COL24A1: variants seen among roughly 807,000 people sequenced by gnomAD.
COL24A1 encodes the protein collagen alpha-1(XXIV) chain.
COL24A1 carries 224 observed loss-of-function variants against 253.9 expected under a neutral mutation model. That is an observed-to-expected ratio of 0.88 (90% CI 0.79 to 0.99). The LOEUF is 0.99. Among genes scored for constraint, COL24A1 ranks in the 50% least tolerant of loss-of-function variants. The probability of loss-of-function intolerance (pLI) is 0.00; values close to 1 mark genes in which losing one functional copy is unlikely to be tolerated. For missense variants in COL24A1, 2,131 were observed against 2,068.5 expected (o/e 1.03, Z -0.59); for synonymous variants, 685 against 673.7 (o/e 1.02, Z -0.26).
At chr1:85,993,338 T>C (rs566305628) in intron 19 of COL24A1, among the ~76,000 whole-genome samples, 9 of 152,016 alleles carry the variant, frequency 5.9e-5, no homozygotes, top group South Asian at 2.1e-4. Context: ...GATAAACTTA[T>C]ACACATATAC....
chr1:85,796,503 C>T (rs200103699), intron 47 of COL24A1, among the ~76,000 whole-genome samples: 1 of 152,154 alleles, frequency 6.6e-6, no homozygotes, highest in East Asian at 1.9e-4. Context: ...AAATGTCTAT[C>T]CTTTTATTCA....
Position 85,961,244 on chromosome 1 carries a change from C to A in COL24A1, c.2562+5G>T. The A allele has an allele frequency of 6.3e-7, 1 of 1,588,678 alleles. No homozygotes were observed. Among genetic ancestry groups the A allele is most frequent in the Non-Finnish European group, 8.6e-7 (1 of 1,158,042 alleles). On this transcript the variant is annotated splice_donor_5th_base_variant and intron_variant, in intron 24 of 59. Coordinates refer to ENST00000370571, the MANE Select transcript of COL24A1 (RefSeq NM_152890.7). ...TTAAAAAATAAGAGCATAAAATAAG[C>A]TTACTGTTTCACCAATTTTTCCAAT...
At chr1:85,981,941 G>C (rs1009640596) in intron 20 of COL24A1, among the ~76,000 whole-genome samples, 5 of 152,182 alleles carry the variant, frequency 3.3e-5, no homozygotes, top group Admixed American at 1.3e-4. Flanking sequence ...TTTATATCTT[G>C]TTGATATAAA....
chr1:85,958,540 A>G (rs1449197018), intron 24 of COL24A1, among the ~76,000 whole-genome samples: 1 of 152,112 alleles, frequency 6.6e-6, no homozygotes, highest in Non-Finnish European at 1.5e-5. Flanking sequence ...AAAGACATCA[A>G]ACCTTCCAAT....
At chr1:85,793,653 G>T in intron 47 of COL24A1, among the ~76,000 whole-genome samples, 1 of 152,116 alleles carries the variant, frequency 6.6e-6, no homozygotes, top group Non-Finnish European at 1.5e-5. Flanking sequence ...TTTTCCATGA[G>T]CCTTTCTGTT....
chr1:85,912,358 C>T (rs755053294), intron 24 of COL24A1, among the ~76,000 whole-genome samples: 5 of 152,082 alleles, frequency 3.3e-5, no homozygotes, highest in Non-Finnish European at 5.9e-5. Context: ...AAGAATAACA[C>T]AGAACAAGCT....
intron 24 of COL24A1, among the ~76,000 whole-genome samples, chr1:85,941,575 T>G (rs2103186309): frequency 6.6e-6 from 1 of 152,242 alleles, no homozygotes; most frequent in Non-Finnish European, 1.5e-5. Flanking sequence ...CATTCAGTTA[T>G]TTAGAGGGTA....
At chr1:85,748,342 G>T (rs1665507469) in intron 55 of COL24A1, among the ~76,000 whole-genome samples, 1 of 152,184 alleles carries the variant, frequency 6.6e-6, no homozygotes, top group South Asian at 2.1e-4. Flanking sequence ...AATCACTACA[G>T]TGTGCACTAT....
chr1:85,809,064 A>C (rs185972236), intron 47 of COL24A1, among the ~76,000 whole-genome samples: 1 of 152,204 alleles, frequency 6.6e-6, no homozygotes, highest in Non-Finnish European at 1.5e-5. Flanking sequence ...AGGTATCTCA[A>C]AAAACCCAAT....
chr1:86,052,443 C>A (rs573385777), intron 10 of COL24A1, among the ~76,000 whole-genome samples: 1 of 152,148 alleles, frequency 6.6e-6, no homozygotes, highest in South Asian at 2.1e-4. Context: ...CATAGATGGA[C>A]CTTAAAGACA....
chr1:86,077,926 T>C (rs7545716), intron 7 of COL24A1, among the ~76,000 whole-genome samples: 51,601 of 151,806 alleles, frequency 0.34, 9,255 homozygotes, highest in Middle Eastern at 0.51. Context: ...GGCACGTGTA[T>C]ACCTATGTAA....
intron 7 of COL24A1, among the ~76,000 whole-genome samples, chr1:86,078,804 A>T (rs1702432413): frequency 6.6e-6 from 1 of 152,202 alleles, no homozygotes; most frequent in Non-Finnish European, 1.5e-5. Context: ...GAAATTGAAG[A>T]GGACACCAAA....
In COL24A1 at chr1:85,909,976, C is replaced by T; in HGVS notation, c.2644G>A (p.Gly882Ser). ...KGERGSPGPLGPQGEKGVMGY... is the reference protein window; with the variant it reads ...KGERGSPGPLSPQGEKGVMGY... The stretch of plus-strand genomic sequence containing the variant: ...ATAACACCTTTTTCTCCCTGCGGAC[C>T]TAGTGGGCCTGGACTTCCACGTTCT... The change falls in exon 26 of 60, where the codon GGT becomes AGT. Residue 882 changes from glycine (G) to serine (S), a missense_variant. By Grantham distance (56) the Gly-to-Ser change is moderately conservative. Transcript: ENST00000370571. 6.2e-7 allele frequency: 1 copy of T among 1,610,348 alleles called. No individual in the cohort carries two copies. Among genetic ancestry groups the T allele is most frequent in the Non-Finnish European group, 8.5e-7 (1 of 1,177,058 alleles).
intron 55 of COL24A1, among the ~76,000 whole-genome samples, 155 bp from the exon 56 acceptor site, chr1:85,745,661 A>T (rs1405331346): frequency 1.3e-5 from 2 of 152,144 alleles, no homozygotes; most frequent in African/African-American, 4.8e-5. Flanking sequence ...GATTTTGCAA[A>T]TATTGCCTGG....
intron 3 of COL24A1, among the ~76,000 whole-genome samples, chr1:86,120,317 T>C (rs4556388): frequency 0.73 from 110,428 of 152,084 alleles, 40,047 homozygotes; most frequent in Middle Eastern, 0.76. Flanking sequence ...CAAGAGCTTC[T>C]GCACAGCAAA....
At chr1:85,813,527 C>T (rs1179050823) in intron 47 of COL24A1, among the ~76,000 whole-genome samples, 3 of 124,576 alleles carry the variant, frequency 2.4e-5, no homozygotes, top group African/African-American at 9.3e-5. Flanking sequence ...AAATCTCATT[C>T]AGGTCTTTTT....
chr1:85,947,294 T>C lies in COL24A1; in HGVS notation c.2562+13955A>G, dbSNP rs554898190. Among the ~76,000 whole-genome samples, 28 of 152,304 alleles carry C rather than the reference T, an allele frequency of 1.8e-4. No homozygotes were observed. In the South Asian group the frequency reaches 3.9e-3, roughly 21 times the overall value. On this transcript the variant is annotated intron_variant, in intron 24 of 59. Transcript: ENST00000370571. ...AGACTTATTCACTAAATTTCTGCCATATGCCAGGAATGTGTCAGATAATCA... is the reference window on the plus strand; with the variant it reads ...AGACTTATTCACTAAATTTCTGCCACATGCCAGGAATGTGTCAGATAATCA...
chr1:86,115,408 A>G, intron 3 of COL24A1, 30 bp from the exon 4 acceptor site: 1 of 1,594,682 alleles, frequency 6.3e-7, no homozygotes, highest in Non-Finnish European at 8.6e-7. Flanking sequence ...GACATTAGGC[A>G]TGATAGTGGA....
intron 43 of COL24A1, among the ~76,000 whole-genome samples, chr1:85,825,178 G>GT (rs1215999538): frequency 6.7e-6 from 1 of 150,056 alleles, no homozygotes; most frequent in Non-Finnish European, 1.5e-5. Context: ...GCGGTGTTTG[G>GT]TTTTTTGTTC....
Sources: allele counts gnomAD v4.1 joint callset (sites outside exome capture counted in the v4.1 genomes callset), GRCh38; gene constraint gnomAD v4.1.1; transcripts MANE v1.5; gene names NCBI Gene and HGNC (gene_info 2026-07-23, HGNC 2026-07-21).